The following SPOCK1 variants were observed in gnomAD, a reference collection of about 807,000 sequenced individuals.
SPOCK1 encodes SPARC (osteonectin), cwcv and kazal like domains proteoglycan 1.
In SPOCK1, 23 loss-of-function variants were observed where a neutral mutation model predicts 55.3. That is an observed-to-expected ratio of 0.42 (90% confidence interval 0.30 to 0.59). The LOEUF is 0.59. SPOCK1 is among the 20% of genes least tolerant of loss of function. SPOCK1 has a pLI of 0.22. For missense variants in SPOCK1, 499 were observed against 552.5 expected (o/e 0.90, Z 0.97); for synonymous variants, 226 against 221.0 (o/e 1.02, Z -0.20).
chr5:137,268,834 T>C (rs1474724053), intron 2 of SPOCK1, among the ~76,000 whole-genome samples: 1 of 152,254 alleles, frequency 6.6e-6, no homozygotes, highest in Admixed American at 6.5e-5. Flanking sequence ...AAATATTTTC[T>C]ACTTGAACAT....
chr5:137,405,523 C>T (rs1752079612), intron 2 of SPOCK1, among the ~76,000 whole-genome samples: 1 of 152,166 alleles, frequency 6.6e-6, no homozygotes, highest in South Asian at 2.1e-4. Flanking sequence ...ACTTCACCGT[C>T]CCACCTCTGT....
chr5:137,203,214 T>C (rs980315578), intron 3 of SPOCK1, among the ~76,000 whole-genome samples: 8 of 151,990 alleles, frequency 5.3e-5, no homozygotes, highest in African/African-American at 1.7e-4. Context: ...ACATGAGTAA[T>C]AGATTTCAAA....
chr5:137,140,465 G>A (rs1287371151), intron 4 of SPOCK1, 115 bp downstream of exon 4: 29 of 752,030 alleles, frequency 3.9e-5, no homozygotes, highest in Non-Finnish European at 5.3e-5. Flanking sequence ...TACAAATGGC[G>A]ACCCTAACAC....
At chr5:136,983,844 C>A (rs1426152978) in intron 9 of SPOCK1, among the ~76,000 whole-genome samples, 1 of 152,104 alleles carries the variant, frequency 6.6e-6, no homozygotes, top group Non-Finnish European at 1.5e-5. Flanking sequence ...AGCTTTAAAA[C>A]AAAATGGGAT....
intron 2 of SPOCK1, among the ~76,000 whole-genome samples, chr5:137,326,425 A>G (rs1005983144): frequency 6.6e-6 from 1 of 152,328 alleles, no homozygotes; most frequent in Non-Finnish European, 1.5e-5. Context: ...TCCCTAGTCC[A>G]GGGGCACAGA....
chr5:137,218,972 C>G (rs1755795192), intron 3 of SPOCK1, among the ~76,000 whole-genome samples: 1 of 152,136 alleles, frequency 6.6e-6, no homozygotes, highest in African/African-American at 2.4e-5. Context: ...AATGCAGGGT[C>G]CCCACCAAGG....
intron 2 of SPOCK1, among the ~76,000 whole-genome samples, chr5:137,484,157 T>A (rs933713422): frequency 3.9e-5 from 6 of 152,194 alleles, no homozygotes; most frequent in African/African-American, 1.4e-4. Context: ...CATCTATACA[T>A]TGCACCAGGA....
intron 3 of SPOCK1, among the ~76,000 whole-genome samples, chr5:137,208,419 G>T: frequency 6.6e-6 from 1 of 152,262 alleles, no homozygotes; most frequent in East Asian, 1.9e-4. Context: ...ACTGAATTCT[G>T]CTTCCCTAAA....
intron 3 of SPOCK1, among the ~76,000 whole-genome samples, chr5:137,203,531 A>G (rs985612116): frequency 6.6e-6 from 1 of 151,958 alleles, no homozygotes; most frequent in South Asian, 2.1e-4. Context: ...CTAATTACCA[A>G]TGTTCACTAT....
chr5:137,356,834 T>G (rs183392750), intron 2 of SPOCK1, among the ~76,000 whole-genome samples: 1,127 of 9,190 alleles, frequency 0.12, 39 homozygotes, highest in African/African-American at 0.18. Context: ...TATATATATA[T>G]ATATAGAGAG....
chr5:137,321,996 C>T (rs1384590507), intron 2 of SPOCK1, among the ~76,000 whole-genome samples: 2 of 152,016 alleles, frequency 1.3e-5, no homozygotes, highest in South Asian at 2.1e-4. Flanking sequence ...CCACTAGACC[C>T]GCCTTATAAG....
chr5:137,265,889 C>T (rs1178054698), intron 3 of SPOCK1, among the ~76,000 whole-genome samples: 1 of 152,160 alleles, frequency 6.6e-6, no homozygotes, highest in Non-Finnish European at 1.5e-5. Flanking sequence ...GGGTAGGCAC[C>T]ACAGCATTTT....
intron 2 of SPOCK1, among the ~76,000 whole-genome samples, chr5:137,454,857 C>T (rs1430139680): frequency 1.3e-5 from 2 of 152,146 alleles, no homozygotes; most frequent in Admixed American, 6.5e-5. Flanking sequence ...AGGGGAGTTG[C>T]TTTTAGATGC....
At chr5:137,491,543 C>A (rs1754178275) in intron 2 of SPOCK1, among the ~76,000 whole-genome samples, 1 of 152,098 alleles carries the variant, frequency 6.6e-6, no homozygotes, top group South Asian at 2.1e-4. Flanking sequence ...CTGAGTGGGG[C>A]TCTGTGGTAA....
intron 2 of SPOCK1, among the ~76,000 whole-genome samples, chr5:137,384,560 A>C (rs1253573359): frequency 2.9e-5 from 4 of 139,464 alleles, no homozygotes; most frequent in Non-Finnish European, 5.9e-5. Flanking sequence ...ATATACATAC[A>C]TACATATATA....
At chr5:137,159,616 T>C (rs1371128986) in intron 3 of SPOCK1, among the ~76,000 whole-genome samples, 1 of 152,144 alleles carries the variant, frequency 6.6e-6, no homozygotes, top group African/African-American at 2.4e-5. Context: ...CTAAGTTATT[T>C]CACTTAGAAT....
chr5:137,372,132 T>C (rs558744532), intron 2 of SPOCK1, among the ~76,000 whole-genome samples: 7 of 152,326 alleles, frequency 4.6e-5, no homozygotes, highest in African/African-American at 1.7e-4. Context: ...CGTCCCACTG[T>C]GAGCTAGCCT....
At position 137,145,694 on chromosome 5, in the gene SPOCK1, C is replaced by A. The variant is rs56128939; in HGVS notation, c.233-5000G>T. ...TTCTTCCAGCTCTCCAGGGGTTCAC[C>A]GTTGAACATAGGAGACAGGTGAGAC... is the stretch of plus-strand genomic sequence containing the variant. On this transcript the variant is annotated intron_variant, in intron 3 of 10. Coordinates refer to ENST00000394945, the MANE Select transcript of SPOCK1 (RefSeq NM_004598.4). Among the ~76,000 whole-genome samples the A allele has an allele frequency of 3.8e-3, 575 of 152,248 alleles. 5 individuals are homozygous for A. Among genetic ancestry groups the A allele is most frequent in the African/African-American group, 0.013 (555 of 41,542 alleles).
At chr5:137,100,370 A>G (rs931909167) in intron 5 of SPOCK1, among the ~76,000 whole-genome samples, 13 of 152,090 alleles carry the variant, frequency 8.5e-5, no homozygotes, top group African/African-American at 2.7e-4. Flanking sequence ...TGGGTTGTGC[A>G]TTGGTTTATT....
Sources: allele counts gnomAD v4.1 joint callset (sites outside exome capture counted in the v4.1 genomes callset), GRCh38; gene constraint gnomAD v4.1.1; transcripts MANE v1.5; gene names NCBI Gene and HGNC (gene_info 2026-07-23, HGNC 2026-07-21).